NALCN: variants seen among roughly 807,000 people sequenced by gnomAD.
The protein encoded by NALCN is sodium leak channel, non-selective.
Under a neutral mutation model 225.3 loss-of-function variants are expected in NALCN, and 111 were observed. That is an observed-to-expected ratio of 0.49 (90% CI 0.42 to 0.58). The LOEUF (loss-of-function observed/expected upper bound fraction) is 0.58, where lower values mean the gene tolerates loss of function less well. Among genes scored for constraint, NALCN ranks in the 20% least tolerant of loss-of-function variants. NALCN has a pLI of 0.00. For synonymous variants in NALCN, 764 were observed against 769.0 expected, an observed-to-expected ratio of 0.99 and a Z score of 0.11; for missense variants, 1,378 against 2,202.4, an observed-to-expected ratio of 0.63 and a Z score of 7.49.
At chr13:101,270,333 A>T (rs2042735645) in intron 10 of NALCN, among the ~76,000 whole-genome samples, 1 of 152,250 alleles carries the variant, frequency 6.6e-6, no homozygotes, top group South Asian at 2.1e-4. Context: ...TGACATTCCC[A>T]CAGCTAATTA....
At chr13:101,107,200 T>C (rs2035167541) in intron 22 of NALCN, among the ~76,000 whole-genome samples, 1 of 152,244 alleles carries the variant, frequency 6.6e-6, no homozygotes, top group Non-Finnish European at 1.5e-5. Context: ...AAATAAAATA[T>C]GGAGTTAATA....
intron 13 of NALCN, among the ~76,000 whole-genome samples, chr13:101,204,445 G>A (rs2040239749): frequency 6.6e-6 from 1 of 152,144 alleles, no homozygotes; most frequent in Non-Finnish European, 1.5e-5. Flanking sequence ...GAAAAAAACT[G>A]TTTATTGTTC....
intron 15 of NALCN, 21 bp downstream of exon 15, chr13:101,176,279 A>T: frequency 4.7e-6 from 7 of 1,490,660 alleles, no homozygotes; most frequent in Non-Finnish European, 6.2e-6. Context: ...TTTTAAAAAA[A>T]ATCCCCCACA....
rs1281805712 is a variant in NALCN at position 101,089,962 on chromosome 13, T to C, written c.3274A>G (p.Asn1092Asp). ...PGFWVPRVWANPRNFNFDNVG... is the reference protein window; with the variant it reads ...PGFWVPRVWADPRNFNFDNVG... ...TTGTCGAAATTAAAGTTCCGAGGATTCGCCCTGCGATTCCAATACAGGAAT... is the reference window on the plus strand; with the variant it reads ...TTGTCGAAATTAAAGTTCCGAGGATCCGCCCTGCGATTCCAATACAGGAAT... The change falls in exon 29 of 44, where the codon AAT (asparagine) becomes GAT (aspartate). Residue 1092 changes from asparagine to aspartate, a missense_variant. Asn to Asp is a conservative substitution (Grantham distance 23). Coordinates refer to ENST00000251127, the MANE Select transcript of NALCN (RefSeq NM_052867.4). This position sits in a 1 kb window ranked among gnomAD's most constrained non-coding sequence, Gnocchi z 4.7. The C allele has an allele frequency of 4.3e-6, 7 of 1,613,810 alleles. No homozygotes were observed. The highest frequency in any genetic ancestry group is 5.9e-6 in the Non-Finnish European group (7 of 1,179,860).
Position 101,258,589 on chromosome 13 carries a change from C to T in NALCN, c.1135-15G>A. The T allele has an allele frequency of 6.2e-7, 1 of 1,614,030 alleles. No homozygotes were observed. Among genetic ancestry groups the T allele is most frequent in the African/African-American group, 1.3e-5 (1 of 75,036 alleles). Reference sequence around the variant, plus strand: ...CGCATCATTTTCTGAGGGGGCGAAACAGACAGACTCTTAACAAAGAAATAA... The same window carrying T: ...CGCATCATTTTCTGAGGGGGCGAAATAGACAGACTCTTAACAAAGAAATAA... On this transcript the variant is annotated splice_polypyrimidine_tract_variant and intron_variant, in intron 10 of 43. Coordinates refer to ENST00000251127, the MANE Select transcript of NALCN (RefSeq NM_052867.4).
At chr13:101,297,338 A>C (rs892070616) in intron 7 of NALCN, among the ~76,000 whole-genome samples, 10 of 152,252 alleles carry the variant, frequency 6.6e-5, no homozygotes, top group Non-Finnish European at 1.3e-4. Flanking sequence ...AGCCCGAGAC[A>C]GTGGAATAAG....
intron 13 of NALCN, among the ~76,000 whole-genome samples, chr13:101,203,602 G>C (rs1452086405): frequency 1.3e-5 from 2 of 152,074 alleles, no homozygotes; most frequent in Non-Finnish European, 2.9e-5. Flanking sequence ...AAATTATAAA[G>C]GATAAACTAT....
intron 15 of NALCN, among the ~76,000 whole-genome samples, chr13:101,160,157 T>C (rs2038105019): frequency 1.3e-5 from 2 of 152,132 alleles, no homozygotes; most frequent in South Asian, 2.1e-4. Context: ...GGTTTCACCA[T>C]GTTAGCCAGG....
chr13:101,373,153 CT>C, intron 6 of NALCN: 1 of 268,736 alleles, frequency 3.7e-6, no homozygotes, highest in Non-Finnish European at 7.5e-6. Context: ...AACTCCATAG[CT>C]CTGTAAGTTG....
At chr13:101,160,333 T>C (rs188576185) in intron 15 of NALCN, among the ~76,000 whole-genome samples, 81 of 152,306 alleles carry the variant, frequency 5.3e-4, no homozygotes, top group African/African-American at 1.9e-3. Flanking sequence ...TCTGTGTCTC[T>C]TGCCTTTTAT....
At chr13:101,224,279 C>T (rs190528226) in intron 13 of NALCN, among the ~76,000 whole-genome samples, 123 of 152,296 alleles carry the variant, frequency 8.1e-4, no homozygotes, top group African/African-American at 2.9e-3. Context: ...TCCTAACCAA[C>T]CTTGCTACAG....
intron 14 of NALCN, among the ~76,000 whole-genome samples, chr13:101,187,967 T>C (rs762830599): frequency 6.6e-6 from 1 of 152,210 alleles, no homozygotes. Flanking sequence ...GGTGGTGGGC[T>C]GGATTTGGTA....
chr13:101,178,575 G>A lies in NALCN; in HGVS notation c.1765-2201C>T, dbSNP rs146960940. ...AACATCAAGGAAGACAAGAGCCTCC[G>A]TCTCCCCTTCTCCGTAGAGGGTGGG... On this transcript the variant is annotated intron_variant, in intron 14 of 43. Transcript: ENST00000251127. 9.3e-3 allele frequency among the ~76,000 whole-genome samples: 1,418 copies of A among 152,296 alleles called. 6 individuals carry two copies. The highest frequency in any genetic ancestry group is 0.016 in the Non-Finnish European group (1,060 of 68,024).
intron 9 of NALCN, among the ~76,000 whole-genome samples, chr13:101,285,198 G>C (rs1370743351): frequency 1.3e-5 from 2 of 152,148 alleles, no homozygotes; most frequent in African/African-American, 4.8e-5. Flanking sequence ...TGGTAGTAGT[G>C]GTGGTAGATC....
intron 17 of NALCN, among the ~76,000 whole-genome samples, chr13:101,139,791 A>T (rs117012924): frequency 0.011 from 1,615 of 152,268 alleles, 20 homozygotes; most frequent in South Asian, 0.051. Context: ...CTTGTTTTTA[A>T]GTGGCTTTCG....
At chr13:101,321,340 CAT>C (rs1225048226) in intron 7 of NALCN, among the ~76,000 whole-genome samples, 1 of 151,918 alleles carries the variant, frequency 6.6e-6, no homozygotes, top group Non-Finnish European at 1.5e-5. Context: ...GGCCAATAAA[CAT>C]ATAAAAAAAT....
chr13:101,293,532 TA>T (rs2043625909), intron 7 of NALCN, among the ~76,000 whole-genome samples: 1 of 152,214 alleles, frequency 6.6e-6, no homozygotes. Flanking sequence ...TTACAGAATA[TA>T]AAACCAATCT....
chr13:101,346,087 C>CTATATATATATA (rs71121188), intron 6 of NALCN, among the ~76,000 whole-genome samples: 43 of 70,930 alleles, frequency 6.1e-4, no homozygotes, highest in East Asian at 2.1e-3. Context: ...CTCTCTCTCT[C>CTATATATATATA]TATATATATA....
chr13:101,236,706 T>G (rs908622681), intron 12 of NALCN, among the ~76,000 whole-genome samples: 1 of 139,672 alleles, frequency 7.2e-6, no homozygotes, highest in Admixed American at 8.1e-5. Context: ...TAGGTGGGAA[T>G]TGAACAATGA....
Sources: gnomAD v4.1 joint callset for allele counts (sites outside exome capture counted in the v4.1 genomes callset) on GRCh38, gnomAD v4.1.1 for gene constraint, Gnocchi (gnomAD v3.1) non-coding constraint, MANE v1.5 for transcripts, NCBI Gene and HGNC (gene_info 2026-07-23, HGNC 2026-07-21) for gene names.